CCSER1: variants seen among roughly 807,000 people sequenced by gnomAD.
The protein encoded by CCSER1 is serine-rich coiled-coil domain-containing protein 1.
A neutral mutation model predicts 82.0 loss-of-function variants in CCSER1; 41 were observed. The observed-to-expected ratio is 0.50, with a 90% CI of 0.39 to 0.65. The LOEUF (loss-of-function observed/expected upper bound fraction) is 0.65, where lower values mean the gene tolerates loss of function less well. Among genes scored for constraint, CCSER1 ranks in the 30% least tolerant of loss-of-function variants. The pLI is 0.00. For missense variants in CCSER1, 1,119 were observed against 1,064.2 expected (o/e 1.05, Z -0.72); for synonymous variants, 414 against 383.9 (o/e 1.08, Z -0.92).
At chr4:91,402,421 G>C (rs1373639619) in intron 10 of CCSER1, among the ~76,000 whole-genome samples, 4 of 152,102 alleles carry the variant, frequency 2.6e-5, no homozygotes, top group African/African-American at 4.8e-5. Flanking sequence ...TGTCTATTTT[G>C]GCTTTTGTTG....
At chr4:91,063,454 G>T (rs1475767642) in intron 9 of CCSER1, among the ~76,000 whole-genome samples, 1 of 152,116 alleles carries the variant, frequency 6.6e-6, no homozygotes, top group African/African-American at 2.4e-5. Flanking sequence ...AAAATAAAGA[G>T]ATTCTTGCAT....
At chr4:90,772,921 A>G (rs529865112) in intron 7 of CCSER1, among the ~76,000 whole-genome samples, 34 of 152,328 alleles carry the variant, frequency 2.2e-4, no homozygotes, top group Non-Finnish European at 4.1e-4. Context: ...AATATATTCC[A>G]AAAAGAGTAA....
intron 10 of CCSER1, among the ~76,000 whole-genome samples, chr4:91,446,676 A>AAT (rs70965498): frequency 0.019 from 2,727 of 142,522 alleles, 44 homozygotes; most frequent in Middle Eastern, 0.045. Flanking sequence ...TAAATAAATA[A>AAT]ATATATATAT....
chr4:90,326,946 A>G (rs1281598265), intron 3 of CCSER1, among the ~76,000 whole-genome samples: 2 of 152,212 alleles, frequency 1.3e-5, no homozygotes, highest in African/African-American at 4.8e-5. Context: ...TCAGGGAACC[A>G]TAGCCTATAT....
intron 5 of CCSER1, among the ~76,000 whole-genome samples, chr4:90,613,275 T>G (rs891218637): frequency 1.3e-5 from 2 of 152,146 alleles, no homozygotes; most frequent in East Asian, 1.9e-4. Context: ...GATGGGAATC[T>G]TAGAGAACTG....
chr4:91,313,174 AG>A (rs1326286182), intron 10 of CCSER1, among the ~76,000 whole-genome samples: 1 of 151,956 alleles, frequency 6.6e-6, no homozygotes, highest in East Asian at 1.9e-4. Flanking sequence ...TAAGACATTA[AG>A]TACTTAAACA....
intron 5 of CCSER1, among the ~76,000 whole-genome samples, chr4:90,477,677 T>C (rs1195331823): frequency 2.6e-5 from 4 of 152,030 alleles, no homozygotes; most frequent in African/African-American, 9.7e-5. Context: ...TTACAACAAA[T>C]GTTTCCTGGT....
chr4:90,174,072 A>G (rs1166537686), intron 1 of CCSER1, among the ~76,000 whole-genome samples: 1 of 151,932 alleles, frequency 6.6e-6, no homozygotes, highest in Non-Finnish European at 1.5e-5. Context: ...TAGGTTTGTT[A>G]AATACATAAA....
rs377342558 is a variant in CCSER1 at position 90,309,235 on chromosome 4, A to T, written c.951A>T (p.Ala317=). Residue 317 remains alanine, a synonymous_variant, in exon 2 of 11, where the codon GCA becomes GCT. Transcript: ENST00000509176. ...TTELTGTVPC[A]IMSPGKYRLE... is the part of the protein sequence containing the mutation. Reference sequence around the variant, plus strand: ...AACTTACGGGAACTGTTCCCTGTGCAATTATGTCTCCTGGGAAATATAGGT... The same window carrying T: ...AACTTACGGGAACTGTTCCCTGTGCTATTATGTCTCCTGGGAAATATAGGT... 1.2e-6 allele frequency: 2 copies of T among 1,613,812 alleles called. No homozygotes were observed. The highest frequency in any genetic ancestry group is 1.7e-6 in the Non-Finnish European group (2 of 1,179,850).
intron 10 of CCSER1, among the ~76,000 whole-genome samples, chr4:91,375,591 A>G (rs984579856): frequency 6.6e-6 from 1 of 151,832 alleles, no homozygotes; most frequent in African/African-American, 2.4e-5. Context: ...CATTTCAACT[A>G]CAATGCTTTT....
At chr4:90,480,597 G>A (rs935608044) in intron 5 of CCSER1, among the ~76,000 whole-genome samples, 8 of 152,132 alleles carry the variant, frequency 5.3e-5, no homozygotes, top group Non-Finnish European at 2.9e-5. Context: ...TCTCCATGTG[G>A]CGAGGCAGTT....
chr4:90,313,043 G>C lies in CCSER1; in HGVS notation c.1505G>C (p.Ser502Thr), dbSNP rs1489117716. The C allele has an allele frequency of 6.3e-7, 1 of 1,593,878 alleles. No individual in the cohort carries two copies. Among genetic ancestry groups the C allele is most frequent in the Non-Finnish European group, 8.6e-7 (1 of 1,167,774 alleles). The stretch of plus-strand genomic sequence containing the variant: ...GGTTCTTCATCTTCAAAAATGAACA[G>C]TTTGGTAAGTATATACATATGTCTG... ...RAGSSSSKMN[S>T]LDVLNNLGSC... Residue 502 changes from serine (S) to threonine (T), a missense_variant, in exon 3 of 11, where the codon AGT becomes ACT. Physicochemically the swap from Ser to Thr is moderately conservative, Grantham distance 58 (BLOSUM62 1). Transcript: ENST00000509176.
intron 10 of CCSER1, among the ~76,000 whole-genome samples, chr4:91,299,143 T>C (rs1246245577): frequency 6.6e-6 from 1 of 152,028 alleles, no homozygotes; most frequent in African/African-American, 2.4e-5. Flanking sequence ...TATAGGCATA[T>C]ATTAAAATAT....
chr4:91,381,072 G>A (rs1750851667), intron 10 of CCSER1, among the ~76,000 whole-genome samples: 1 of 152,006 alleles, frequency 6.6e-6, no homozygotes, highest in Admixed American at 6.6e-5. Flanking sequence ...TTGAATATTG[G>A]CCCCCACTCT....
chr4:90,227,671 C>T (rs555833403), intron 1 of CCSER1, among the ~76,000 whole-genome samples: 13 of 152,326 alleles, frequency 8.5e-5, no homozygotes, highest in South Asian at 4.1e-4. Flanking sequence ...GCGTGAGCGA[C>T]GCAGAAGATG....
chr4:90,954,667 A>G (rs763877077), intron 9 of CCSER1, among the ~76,000 whole-genome samples: 5 of 152,202 alleles, frequency 3.3e-5, no homozygotes, highest in Non-Finnish European at 7.4e-5. Context: ...CAAATGATGC[A>G]TAGGAAGTAT....
chr4:90,620,052 C>G (rs1313154514), intron 5 of CCSER1, among the ~76,000 whole-genome samples: 1 of 152,012 alleles, frequency 6.6e-6, no homozygotes, highest in Non-Finnish European at 1.5e-5. Context: ...AGGATACTTT[C>G]TCTAAAATTT....
intron 4 of CCSER1, among the ~76,000 whole-genome samples, chr4:90,453,646 G>T (rs1331819088): frequency 6.6e-6 from 1 of 152,158 alleles, no homozygotes; most frequent in Non-Finnish European, 1.5e-5. Flanking sequence ...CATAAAGATA[G>T]TGGTTCCCAT....
chr4:90,473,601 C>G (rs28479074), intron 5 of CCSER1, among the ~76,000 whole-genome samples: 455 of 152,234 alleles, frequency 3.0e-3, no homozygotes, highest in African/African-American at 0.011. Context: ...TAACACTAAC[C>G]TATTTTATTC....
Sources: allele counts gnomAD v4.1 joint callset (sites outside exome capture counted in the v4.1 genomes callset), GRCh38; gene constraint gnomAD v4.1.1; transcripts MANE v1.5; gene names NCBI Gene and HGNC (gene_info 2026-07-23, HGNC 2026-07-21).